Variants in SLC25A53 observed in about 807,000 individuals in gnomAD.
The protein encoded by SLC25A53 is mitochondrial carrier triple repeat protein 6.
A neutral mutation model predicts 15.0 loss-of-function variants in SLC25A53; 5 were observed. That is an observed-to-expected ratio of 0.33 (90% CI 0.17 to 0.70). The LOEUF is 0.70. SLC25A53 is among the 30% of genes least tolerant of loss of function. SLC25A53 has a pLI of 0.67. For synonymous variants in SLC25A53, 95 were observed against 100.0 expected (o/e 0.95, Z 0.30); for missense variants, 216 against 241.6 (o/e 0.89, Z 0.70).
intron 1 of SLC25A53, among the ~76,000 whole-genome samples, chrX:104,123,576 TA>T (rs2075401562): frequency 9.0e-6 from 1 of 111,578 alleles, no homozygotes; most frequent in South Asian, 3.8e-4. Flanking sequence ...TCCCTTTTTT[TA>T]AAATTATACT....
At chrX:104,128,087 TG>T (rs2075415945) in intron 1 of SLC25A53, among the ~76,000 whole-genome samples, 1 of 112,253 alleles carries the variant, frequency 8.9e-6, no homozygotes, top group African/African-American at 3.2e-5. Context: ...CGTGCACAGC[TG>T]GGGTAGTTTA....
intron 1 of SLC25A53, chrX:104,115,234 C>T (rs1556361010): frequency 8.3e-7 from 1 of 1,204,643 alleles, no homozygotes; most frequent in Non-Finnish European, 1.1e-6. Context: ...TTTTGAGAAT[C>T]TGATCATCAC....
rs377397328 is a variant in SLC25A53 at position 104,105,291 on chromosome X, G to A, written c.-31-3C>T. 6 of 1,116,886 alleles carry A rather than the reference G, an allele frequency of 5.4e-6. No homozygotes were observed. The highest frequency in any genetic ancestry group is 7.2e-6 in the Non-Finnish European group (6 of 832,519). The allele number at this position is 1,116,886 out of a possible 1,213,427, so 92.0% of individuals were successfully genotyped here. On this transcript the variant is annotated splice_region_variant and splice_polypyrimidine_tract_variant and intron_variant, in intron 1 of 1. Coordinates refer to ENST00000594199, the MANE Select transcript of SLC25A53 (RefSeq NM_001012755.5). Reference sequence around the variant, plus strand: ...CAACTGGGTGCAGATGGAAGAAACTGGCAAGGGTGGAAAAAAAGAGATTAG... The same window carrying A: ...CAACTGGGTGCAGATGGAAGAAACTAGCAAGGGTGGAAAAAAAGAGATTAG...
intron 1 of SLC25A53, among the ~76,000 whole-genome samples, chrX:104,121,295 T>C (rs1188078203): frequency 8.9e-6 from 1 of 112,625 alleles, no homozygotes; most frequent in Non-Finnish European, 1.9e-5. Context: ...TATTTACTTG[T>C]ATCCATGATT....
At chrX:104,121,997 C>T (rs1030034560) in intron 1 of SLC25A53, among the ~76,000 whole-genome samples, 2 of 86,469 alleles carry the variant, frequency 2.3e-5, no homozygotes, top group Admixed American at 2.8e-4. Context: ...GTCTCAAATT[C>T]CTGGCCTCAA....
chrX:104,109,659 G>A (rs782028204), intron 1 of SLC25A53, among the ~76,000 whole-genome samples: 2 of 111,776 alleles, frequency 1.8e-5, no homozygotes, highest in African/African-American at 3.3e-5. Context: ...TTTGGAGTTC[G>A]ACATCCCTGG....
intron 1 of SLC25A53, among the ~76,000 whole-genome samples, chrX:104,119,894 C>T (rs910810860): frequency 8.9e-6 from 1 of 111,784 alleles, no homozygotes; most frequent in African/African-American, 3.3e-5. Context: ...TGCTTTCTTA[C>T]TTTCCTTTAT....
chrX:104,123,884 A>G (rs1469462892), intron 1 of SLC25A53, among the ~76,000 whole-genome samples: 1 of 110,692 alleles, frequency 9.0e-6, no homozygotes, highest in Non-Finnish European at 1.9e-5. Context: ...CCTGCAAAGG[A>G]CATGAACTCA....
At chrX:104,139,681 G>T in intron 1 of SLC25A53, among the ~76,000 whole-genome samples, 1 of 111,334 alleles carries the variant, frequency 9.0e-6, no homozygotes, top group Non-Finnish European at 1.9e-5. Context: ...GGGTGTGGTG[G>T]TGTGTGCCTG....
chrX:104,106,325 T>A (rs1414428694), intron 1 of SLC25A53, among the ~76,000 whole-genome samples: 1 of 111,321 alleles, frequency 9.0e-6, no homozygotes, highest in Non-Finnish European at 1.9e-5. Context: ...GAATGCTCAG[T>A]GCAGATCTGA....
chrX:104,128,552 A>T (rs1434733130), intron 1 of SLC25A53, among the ~76,000 whole-genome samples: 3 of 111,793 alleles, frequency 2.7e-5, no homozygotes, highest in Non-Finnish European at 5.6e-5. Flanking sequence ...AAGTATATGA[A>T]GACAAATCCA....
In SLC25A53 at chrX:104,101,017, T is replaced by A. The variant is rs1366933138; in HGVS notation, c.*3317A>T. Reference sequence around the variant, plus strand: ...CAGACACCAGTCGCAAATCCAAGCCTCCAGAACTTCTGACAGATGGGCTTC... The same window carrying A: ...CAGACACCAGTCGCAAATCCAAGCCACCAGAACTTCTGACAGATGGGCTTC... On this transcript the variant is annotated 3_prime_UTR_variant, in exon 2 of 2. Transcript: ENST00000594199. 8.9e-6 allele frequency: 1 copy of A among 112,229 alleles called. No homozygotes were observed. Among genetic ancestry groups the A allele is most frequent in the Non-Finnish European group, 1.9e-5 (1 of 53,324 alleles). 9.2% of individuals were successfully genotyped at this position (112,229 alleles called of 1,213,427 possible).
chrX:104,129,860 A>ATGTGTGTG (rs60729916), intron 1 of SLC25A53, among the ~76,000 whole-genome samples: 2,459 of 89,931 alleles, frequency 0.027, 41 homozygotes, highest in East Asian at 0.054. Flanking sequence ...ACACAAATGT[A>ATGTGTGTG]TGTGTGTGTG....
At chrX:104,107,763 C>T (rs1208184411) in intron 1 of SLC25A53, among the ~76,000 whole-genome samples, 7 of 111,855 alleles carry the variant, frequency 6.3e-5, no homozygotes, top group Non-Finnish European at 1.1e-4. Context: ...TCCCAACTAT[C>T]GCACCTACCC....
chrX:104,150,447 T>C (rs1556370140), intron 1 of SLC25A53, among the ~76,000 whole-genome samples: 1 of 111,001 alleles, frequency 9.0e-6, no homozygotes, highest in Non-Finnish European at 1.9e-5. Flanking sequence ...AGCTGGGCCT[T>C]GGTGTTCTCC....
chrX:104,119,539 G>A (rs190560071), intron 1 of SLC25A53, among the ~76,000 whole-genome samples: 12 of 111,562 alleles, frequency 1.1e-4, no homozygotes, highest in Non-Finnish European at 1.9e-4. Flanking sequence ...TCTGTATTGT[G>A]TTTAGATAGT....
rs73530837 is a variant in SLC25A53, at chrX:104,137,629, A to G, written c.-32+19249T>C. On this transcript the variant is annotated intron_variant, in intron 1 of 1. Coordinates refer to ENST00000594199, the MANE Select transcript of SLC25A53 (RefSeq NM_001012755.5). ...GCACTCTTTTATCTTTCAGACTTTC[A>G]GTGCTTCCCTGAACCAACCAATCAG... 3.5e-3 allele frequency among the ~76,000 whole-genome samples: 392 copies of G among 111,727 alleles called. 3 individuals carry two copies. The highest frequency in any genetic ancestry group is 0.012 in the African/African-American group (374 of 30,716).
At chrX:104,138,461 G>A (rs2075442576) in intron 1 of SLC25A53, among the ~76,000 whole-genome samples, 1 of 112,510 alleles carries the variant, frequency 8.9e-6, no homozygotes. Flanking sequence ...TGGGCTGGGA[G>A]CCCCACGGCA....
In SLC25A53 at chrX:104,109,179, C is replaced by A. The variant is rs1476211808; in HGVS notation, c.-31-3891G>T. ...TTAAGAGTGTGAGTTGTGCATGGGG[C>A]TGGCCTACCCCATGTGGTGAGAAGG... On this transcript the variant is annotated intron_variant, in intron 1 of 1. Transcript: ENST00000594199. Among the ~76,000 whole-genome samples, 9 of 111,343 alleles carry A rather than the reference C, an allele frequency of 8.1e-5. No homozygotes were observed. The Admixed American group carries it at 8.6e-4, about 11-fold the overall frequency.
Sources: allele counts gnomAD v4.1 joint callset (sites outside exome capture counted in the v4.1 genomes callset), GRCh38; gene constraint gnomAD v4.1.1; transcripts MANE v1.5; gene names NCBI Gene and HGNC (gene_info 2026-07-23, HGNC 2026-07-21).